Variants in BBS9 observed in about 807,000 individuals in gnomAD.
BBS9 encodes protein PTHB1.
In BBS9, 89 loss-of-function variants were observed where a neutral mutation model predicts 117.7. The observed-to-expected ratio is 0.76, with a 90% confidence interval of 0.64 to 0.90. BBS9 has a LOEUF of 0.90. BBS9 is among the 40% of genes least tolerant of loss of function. The pLI is 0.00. For missense variants in BBS9, 982 were observed against 1,042.2 expected (o/e 0.94, Z 0.80); for synonymous variants, 379 against 370.9 (o/e 1.02, Z -0.25).
intron 19 of BBS9, among the ~76,000 whole-genome samples, chr7:33,473,187 C>T (rs981894542): frequency 1.1e-4 from 16 of 152,164 alleles, no homozygotes; most frequent in African/African-American, 2.9e-4. Context: ...TCTCCAAGTG[C>T]GATGAACTTT....
At chr7:33,169,520 G>A (rs1192161201) in intron 4 of BBS9, among the ~76,000 whole-genome samples, 5 of 150,102 alleles carry the variant, frequency 3.3e-5, no homozygotes, top group Middle Eastern at 3.3e-3. Context: ...GTGTGAGATG[G>A]TATCTCATTG....
At chr7:33,268,959 G>T (rs906054408) in intron 7 of BBS9, among the ~76,000 whole-genome samples, 2 of 152,184 alleles carry the variant, frequency 1.3e-5, no homozygotes, top group Non-Finnish European at 2.9e-5. Flanking sequence ...GTCCAGTGGA[G>T]TCATTTTATA....
intron 19 of BBS9, among the ~76,000 whole-genome samples, chr7:33,442,017 C>T (rs1433466838): frequency 2.0e-5 from 3 of 151,846 alleles, no homozygotes; most frequent in Admixed American, 1.3e-4. Flanking sequence ...TCAGCCTCCC[C>T]AGTAGCTGGG....
chr7:33,395,006 C>G (rs1020076445), intron 19 of BBS9, among the ~76,000 whole-genome samples: 5 of 152,108 alleles, frequency 3.3e-5, no homozygotes, highest in African/African-American at 1.2e-4. Flanking sequence ...TTACTTTAAT[C>G]ATTGTCAGGT....
intron 20 of BBS9, among the ~76,000 whole-genome samples, chr7:33,518,731 A>G (rs936619556): frequency 7.2e-5 from 11 of 152,216 alleles, no homozygotes; most frequent in Non-Finnish European, 1.6e-4. Context: ...TTGATAGACA[A>G]TGATATTTAA....
At chr7:33,581,848 G>A (rs1563398348) in intron 21 of BBS9, among the ~76,000 whole-genome samples, 4 of 152,020 alleles carry the variant, frequency 2.6e-5, no homozygotes, top group South Asian at 4.1e-4. Flanking sequence ...AAACACACAC[G>A]ATTTCCAGAA....
chr7:33,304,928 G>A lies in BBS9; in HGVS notation c.1016+30972G>A, dbSNP rs190681169. ...GATGTGCTTTGTTAAACAGATGCTT[G>A]AAGGCAGCATGCTCGTTAAGAGTCA... is the stretch of plus-strand genomic sequence containing the variant. On this transcript the variant is annotated intron_variant, in intron 9 of 22. Coordinates refer to ENST00000242067, the MANE Select transcript of BBS9 (RefSeq NM_198428.3). Among the ~76,000 whole-genome samples the A allele has an allele frequency of 7.1e-3, 1,076 of 152,164 alleles. 17 individuals carry two copies. Among genetic ancestry groups the A allele is most frequent in the African/African-American group, 0.025 (1,036 of 41,498 alleles).
At chr7:33,374,006 T>A (rs1411902214) in intron 17 of BBS9, among the ~76,000 whole-genome samples, 1 of 152,198 alleles carries the variant, frequency 6.6e-6, no homozygotes, top group Admixed American at 6.5e-5. Flanking sequence ...CCCTTTTCAT[T>A]CAGCAGACAT....
chr7:33,213,440 C>T (rs1788413176), intron 5 of BBS9, among the ~76,000 whole-genome samples: 1 of 152,234 alleles, frequency 6.6e-6, no homozygotes, highest in South Asian at 2.1e-4. Flanking sequence ...TAAGCCTGGA[C>T]TTGGAGACCC....
At chr7:33,582,523 T>C (rs1420802539) in intron 21 of BBS9, among the ~76,000 whole-genome samples, 1 of 147,694 alleles carries the variant, frequency 6.8e-6, no homozygotes, top group Admixed American at 6.8e-5. Flanking sequence ...GTTTCTACAA[T>C]ACACACACAC....
intron 19 of BBS9, among the ~76,000 whole-genome samples, chr7:33,394,279 C>G (rs1827575078): frequency 6.6e-6 from 1 of 152,022 alleles, no homozygotes; most frequent in Non-Finnish European, 1.5e-5. Flanking sequence ...AGGCCATTAT[C>G]CCTAGCAAAC....
At chr7:33,347,019 G>C (rs1817710556) in intron 12 of BBS9, among the ~76,000 whole-genome samples, 1 of 150,172 alleles carries the variant, frequency 6.7e-6, no homozygotes, top group Non-Finnish European at 1.5e-5. Context: ...CTTAACCACA[G>C]TTGGTTAAAG....
chr7:33,437,835 C>T (rs1317918665), intron 19 of BBS9, among the ~76,000 whole-genome samples: 3 of 152,178 alleles, frequency 2.0e-5, no homozygotes, highest in Non-Finnish European at 4.4e-5. Context: ...AAGATCCTGC[C>T]ACTGCACTCC....
intron 9 of BBS9, among the ~76,000 whole-genome samples, chr7:33,335,169 A>G (rs973861856): frequency 1.3e-5 from 2 of 152,154 alleles, no homozygotes; most frequent in African/African-American, 2.4e-5. Flanking sequence ...TATATACTTT[A>G]TGTCCTTTTC....
At chr7:33,387,859 T>A (rs117289393) in intron 18 of BBS9, 133 bp from the exon 19 acceptor site, 14,998 of 999,322 alleles carry the variant, frequency 0.015, 175 homozygotes, top group South Asian at 0.041. Flanking sequence ...CACATTGTTT[T>A]AATTCCCTTA....
At chr7:33,272,928 C>T (rs1800070224) in intron 7 of BBS9, 84 bp from the exon 8 acceptor site, 8 of 1,339,440 alleles carry the variant, frequency 6.0e-6, no homozygotes, top group Non-Finnish European at 6.4e-6. Flanking sequence ...TGTTGTAAAG[C>T]AATTTCTTAA....
At chr7:33,231,759 C>T (rs1400124302) in intron 5 of BBS9, among the ~76,000 whole-genome samples, 3 of 152,008 alleles carry the variant, frequency 2.0e-5, no homozygotes, top group Non-Finnish European at 4.4e-5. Context: ...TCTTTGTTTT[C>T]AGGGTTTGAT....
chr7:33,295,460 T>C (rs1482452340), intron 9 of BBS9, among the ~76,000 whole-genome samples: 1 of 151,332 alleles, frequency 6.6e-6, no homozygotes, highest in African/African-American at 2.4e-5. Flanking sequence ...GATGCTTAAA[T>C]TTTGAACTTC....
At chr7:33,278,150 T>C (rs1018323715) in intron 9 of BBS9, among the ~76,000 whole-genome samples, 6 of 152,214 alleles carry the variant, frequency 3.9e-5, no homozygotes, top group Non-Finnish European at 8.8e-5. Flanking sequence ...ATTTTCTCAC[T>C]GTGACAATTT....
Sources: allele counts gnomAD v4.1 joint callset (sites outside exome capture counted in the v4.1 genomes callset), GRCh38; gene constraint gnomAD v4.1.1; transcripts MANE v1.5; gene names NCBI Gene and HGNC (gene_info 2026-07-23, HGNC 2026-07-21).